IFNG-AS1: variants seen among roughly 807,000 people sequenced by gnomAD.
The protein encoded by IFNG-AS1 is IFNG antisense RNA 1 (non-protein coding).
At chr12:68,013,066 T>G (rs555645848) in intron 3 of IFNG-AS1, among the ~76,000 whole-genome samples, 5 of 152,364 alleles carry the variant, frequency 3.3e-5, no homozygotes, top group Non-Finnish European at 7.3e-5. Context: ...CCAGGGCATC[T>G]TAGCTCACTG....
chr12:67,999,334 T>A (rs1449397595), intron 2 of IFNG-AS1, among the ~76,000 whole-genome samples: 1 of 152,228 alleles, frequency 6.6e-6, no homozygotes, highest in African/African-American at 2.4e-5. Context: ...AGCACCTAGA[T>A]CTTGCTTTCT....
chr12:68,007,015 G>A (rs943310074), intron 3 of IFNG-AS1, among the ~76,000 whole-genome samples: 1 of 152,176 alleles, frequency 6.6e-6, no homozygotes, highest in African/African-American at 2.4e-5. Context: ...TATACCCTTA[G>A]AATGATTTTT....
intron 2 of IFNG-AS1, among the ~76,000 whole-genome samples, chr12:68,001,798 AC>A (rs1032260326): frequency 2.0e-5 from 3 of 152,120 alleles, no homozygotes; most frequent in African/African-American, 7.2e-5. Context: ...TCAAACCCTA[AC>A]CTGAACCAGA....
chr12:68,020,460 T>C (rs1880260324), intron 4 of IFNG-AS1: 1 of 152,088 alleles, frequency 6.6e-6, no homozygotes, highest in Non-Finnish European at 1.5e-5. Flanking sequence ...CACCAACACA[T>C]TAAAATCTTG....
In IFNG-AS1 at chr12:68,017,821, G is replaced by C. The variant is rs116044465; in HGVS notation, n.242-2041G>C. On this transcript the variant is annotated intron_variant and non_coding_transcript_variant, in intron 3 of 5. Coordinates refer to ENST00000536914, the Ensembl canonical transcript of IFNG-AS1. ...AGGTAGCTTGTCTTGTTCAAACCTA[G>C]TCATGAACTGGCCATATCACTGGGA... Among the ~76,000 whole-genome samples the C allele has an allele frequency of 4.2e-3, 640 of 152,200 alleles. 6 individuals are homozygous for C. Among genetic ancestry groups the C allele is most frequent in the African/African-American group, 0.015 (607 of 41,520 alleles).
intron 3 of IFNG-AS1, chr12:68,013,756 ACTGTC>A (rs1565691985): frequency 6.6e-6 from 1 of 152,198 alleles, no homozygotes. Context: ...CCAAAGGTTG[ACTGTC>A]CCCAAGTAAG....
At chr12:67,999,316 A>T (rs1256762976) in intron 2 of IFNG-AS1, among the ~76,000 whole-genome samples, 1 of 152,202 alleles carries the variant, frequency 6.6e-6, no homozygotes, top group Non-Finnish European at 1.5e-5. Flanking sequence ...GTAGCAATGA[A>T]CACAAAGAGC....
At chr12:68,021,225 G>A (rs777392742) in intron 4 of IFNG-AS1, 5 of 151,960 alleles carry the variant, frequency 3.3e-5, no homozygotes, top group Non-Finnish European at 5.9e-5. Context: ...TTAAAAAATG[G>A]GAATATTTGT....
chr12:68,011,273 T>A (rs373187040), intron 3 of IFNG-AS1, among the ~76,000 whole-genome samples: 1 of 152,238 alleles, frequency 6.6e-6, no homozygotes, highest in African/African-American at 2.4e-5. Context: ...TCGAGTAAGG[T>A]AAACTTAAAT....
chr12:68,018,650 C>A (rs940573148), intron 3 of IFNG-AS1, among the ~76,000 whole-genome samples: 1 of 152,100 alleles, frequency 6.6e-6, no homozygotes, highest in Non-Finnish European at 1.5e-5. Flanking sequence ...TACAACTTTA[C>A]AAAACCTTCC....
exon 2 of IFNG-AS1, chr12:67,996,049 A>G (rs948892880): frequency 6.6e-6 from 1 of 152,230 alleles, no homozygotes; most frequent in African/African-American, 2.4e-5. Context: ...AGAAGAGATA[A>G]GCATATTCCA....
chr12:68,006,499 G>A (rs1021506344), intron 3 of IFNG-AS1, among the ~76,000 whole-genome samples: 6 of 151,980 alleles, frequency 3.9e-5, no homozygotes, highest in Non-Finnish European at 7.4e-5. Flanking sequence ...TACCCATTGC[G>A]CTATTGTCTG....
intron 2 of IFNG-AS1, among the ~76,000 whole-genome samples, chr12:68,004,608 C>T (rs1167637812): frequency 6.6e-6 from 1 of 152,220 alleles, no homozygotes; most frequent in African/African-American, 2.4e-5. Context: ...ACCATTTGCC[C>T]CTGGTTGTGC....
chr12:68,008,889 T>C (rs1879964777), intron 3 of IFNG-AS1, among the ~76,000 whole-genome samples: 1 of 152,196 alleles, frequency 6.6e-6, no homozygotes, highest in African/African-American at 2.4e-5. Flanking sequence ...GGTGTTCCAA[T>C]AAGAAGAGGC....
chr12:68,007,625 A>G (rs1879934863), intron 3 of IFNG-AS1, among the ~76,000 whole-genome samples: 1 of 152,252 alleles, frequency 6.6e-6, no homozygotes. Flanking sequence ...ACAGTTTCAA[A>G]GTAATCACTA....
At chr12:68,016,424 G>A (rs1360856729) in intron 3 of IFNG-AS1, among the ~76,000 whole-genome samples, 1 of 152,168 alleles carries the variant, frequency 6.6e-6, no homozygotes, top group East Asian at 1.9e-4. Flanking sequence ...AAGAGCCATT[G>A]ACTCAGTGGT....
chr12:68,018,004 T>G (rs1437503714), intron 3 of IFNG-AS1, among the ~76,000 whole-genome samples: 2 of 152,148 alleles, frequency 1.3e-5, no homozygotes, highest in Non-Finnish European at 2.9e-5. Flanking sequence ...TTTAGCTCAT[T>G]CCCTGCCTTT....
chr12:68,001,729 C>T (rs934759390), intron 2 of IFNG-AS1, among the ~76,000 whole-genome samples: 2 of 152,144 alleles, frequency 1.3e-5, no homozygotes, highest in African/African-American at 2.4e-5. Flanking sequence ...TCCACTTGCT[C>T]GTGAGATTCT....
intron 1 of IFNG-AS1, among the ~76,000 whole-genome samples, chr12:67,990,903 T>A (rs1175746337): frequency 1.3e-5 from 2 of 152,038 alleles, no homozygotes; most frequent in South Asian, 2.1e-4. Flanking sequence ...AATTTTTTTT[T>A]AACTTTAAAC....
Sources: gnomAD v4.1 joint callset for allele counts (sites outside exome capture counted in the v4.1 genomes callset) on GRCh38, gnomAD v4.1.1 for gene constraint, MANE v1.5 for transcripts, NCBI Gene and HGNC (gene_info 2026-07-23, HGNC 2026-07-21) for gene names.